The following REELD1 variants were observed in gnomAD, a reference collection of about 807,000 sequenced individuals.
The protein encoded by REELD1 is reelin domain-containing protein 1.
Under a neutral mutation model 6.3 loss-of-function variants are expected in REELD1, and 12 were observed. The ratio of observed to expected loss-of-function variants is 1.89; its 90% CI spans 1.21 to 3.07. The LOEUF (loss-of-function observed/expected upper bound fraction) is 3.07, where lower values mean the gene tolerates loss of function less well. Ranked by LOEUF, REELD1 falls within the 30% of genes most tolerant of loss-of-function variation. The pLI is 0.00. For missense variants in REELD1, 163 were observed against 86.8 expected (o/e 1.88, Z -3.49); for synonymous variants, 57 against 33.6 (o/e 1.70, Z -2.42).
At chr4:146,229,859 G>A (rs956071376) in intron 7 of REELD1, 46 bp from the exon 8 acceptor site, 1 of 398,394 alleles carries the variant, frequency 2.5e-6, no homozygotes, top group African/African-American at 2.1e-5. Context: ...GGCAGCTTAG[G>A]AGGAAGACCA....
intron 3 of REELD1, among the ~76,000 whole-genome samples, chr4:146,221,272 C>G (rs776825180): frequency 5.3e-5 from 8 of 152,166 alleles, no homozygotes; most frequent in Non-Finnish European, 1.0e-4. Context: ...CTCTAGGTAC[C>G]TCACATAAGT....
At chr4:146,229,518 T>C (rs1731087828) in intron 7 of REELD1, among the ~76,000 whole-genome samples, 1 of 152,186 alleles carries the variant, frequency 6.6e-6, no homozygotes, top group Non-Finnish European at 1.5e-5. Context: ...TACTTACATT[T>C]CTCAGAACCT....
rs1366750171 is a variant in REELD1, at chr4:146,230,253, A to T, written c.1321A>T (p.Thr441Ser). ...AQAPLGIQLR[T>S]PQLGILLCLS... ...GGCCCCTCTGGGTATCCAGCTCAGA[A>T]CTCCTCAGCTGGGAATTCTGCTTTG... is the stretch of plus-strand genomic sequence containing the variant. Residue 441 changes from threonine to serine, a missense_variant, in exon 8 of 8, where the codon ACT (threonine) becomes TCT (serine). Transcript: ENST00000623665. 7.5e-6 allele frequency: 3 copies of T among 398,614 alleles called. No homozygotes were observed. Among genetic ancestry groups the T allele is most frequent in the Non-Finnish European group, 1.3e-5 (3 of 226,200 alleles). The allele number at this position is 398,614 out of a possible 1,614,324, so 24.7% of individuals were successfully genotyped here. A position where few individuals can be genotyped will look rare whatever the true frequency, so the allele number is the denominator to read the frequency against.
intron 3 of REELD1, among the ~76,000 whole-genome samples, chr4:146,219,556 T>C (rs1301951673): frequency 6.6e-6 from 1 of 152,236 alleles, no homozygotes; most frequent in Non-Finnish European, 1.5e-5. Flanking sequence ...GACACCAAGC[T>C]GCATTTAGCA....
At chr4:146,225,346 G>A (rs975149264) in intron 5 of REELD1, among the ~76,000 whole-genome samples, 9 of 152,122 alleles carry the variant, frequency 5.9e-5, no homozygotes, top group Admixed American at 5.9e-4. Flanking sequence ...ATGCACACAA[G>A]ACCCTACCCT....
At chr4:146,225,606 A>G (rs1344904376) in intron 5 of REELD1, among the ~76,000 whole-genome samples, 1 of 151,820 alleles carries the variant, frequency 6.6e-6, no homozygotes, top group Non-Finnish European at 1.5e-5. Flanking sequence ...GCCTGAGACC[A>G]TGGCCTGGAG....
chr4:146,224,301 A>T, intron 4 of REELD1, 144 bp from the exon 5 acceptor site: 1 of 421,526 alleles, frequency 2.4e-6, no homozygotes, highest in South Asian at 8.9e-5. Context: ...GTAATAATAT[A>T]ATCTCTCTCT....
chr4:146,221,463 C>T (rs536489671), intron 3 of REELD1, among the ~76,000 whole-genome samples: 1 of 152,316 alleles, frequency 6.6e-6, no homozygotes, highest in South Asian at 2.1e-4. Flanking sequence ...AATGAATGCC[C>T]TAGTTTTTCC....
chr4:146,220,393 C>T (rs1425280510), intron 3 of REELD1, among the ~76,000 whole-genome samples: 1 of 152,058 alleles, frequency 6.6e-6, no homozygotes, highest in Non-Finnish European at 1.5e-5. Context: ...TATGTCTTTG[C>T]TCACTGTATG....
chr4:146,227,912 T>C (rs186221891), intron 5 of REELD1, among the ~76,000 whole-genome samples: 22 of 152,194 alleles, frequency 1.4e-4, no homozygotes, highest in Middle Eastern at 3.4e-3. Flanking sequence ...AGAGGTGAAA[T>C]AAATATGGTG....
Position 146,230,566 on chromosome 4 carries a change from TC to T in REELD1, c.*56del. On this transcript the variant is annotated 3_prime_UTR_variant, in exon 8 of 8. Coordinates refer to ENST00000623665, the MANE Select transcript of REELD1 (RefSeq NM_001354631.1). ...GGCCCTCCTTGGGCCCTGGAGAGTG[TC>T]CCAGACAGAGCAGAGATAATGAGAA... is the stretch of plus-strand genomic sequence containing the variant. 2.5e-6 allele frequency: 1 copy of T among 398,208 alleles called. No individual in the cohort carries two copies. Among genetic ancestry groups the T allele is most frequent in the South Asian group, 1.3e-4 (1 of 7,516 alleles). The allele number at this position is 398,208 out of a possible 1,614,324, so 24.7% of individuals were successfully genotyped here.
At chr4:146,216,129 T>G (rs1318896123) in intron 2 of REELD1, among the ~76,000 whole-genome samples, 4 of 152,270 alleles carry the variant, frequency 2.6e-5, no homozygotes, top group Non-Finnish European at 4.4e-5. Flanking sequence ...TTGTTTGCTA[T>G]CTCTCATTTT....
intron 2 of REELD1, among the ~76,000 whole-genome samples, chr4:146,215,549 T>C (rs1730808989): frequency 6.6e-6 from 1 of 152,082 alleles, no homozygotes; most frequent in African/African-American, 2.4e-5. Flanking sequence ...GATTATTTGG[T>C]TTATGGATTA....
In REELD1 at chr4:146,230,997, T is replaced by G. The variant is rs931294206; in HGVS notation, c.*484T>G. 4 of 152,434 alleles carry G rather than the reference T, an allele frequency of 2.6e-5. No individual in the cohort carries two copies. Among genetic ancestry groups the G allele is most frequent in the African/African-American group, 9.6e-5 (4 of 41,594 alleles). 9.4% of individuals were successfully genotyped at this position (152,434 alleles called of 1,614,324 possible). ...CTAAACCACCCCCAAAGAAGTTTTC[T>G]TTTCAAAACTGAATTCAACAACTTG... is the stretch of plus-strand genomic sequence containing the variant. On this transcript the variant is annotated 3_prime_UTR_variant, in exon 8 of 8. Transcript: ENST00000623665.
At chr4:146,221,743 C>T (rs1022107392) in intron 3 of REELD1, among the ~76,000 whole-genome samples, 2 of 152,064 alleles carry the variant, frequency 1.3e-5, no homozygotes, top group African/African-American at 4.8e-5. Flanking sequence ...CCTGTACTCC[C>T]AGCTACTCGA....
At chr4:146,218,253 G>A (rs1205234488) in intron 3 of REELD1, among the ~76,000 whole-genome samples, 1 of 152,172 alleles carries the variant, frequency 6.6e-6, no homozygotes, top group African/African-American at 2.4e-5. Context: ...CCCCACCAGG[G>A]GTGTTTCTAC....
intron 1 of REELD1, among the ~76,000 whole-genome samples, 172 bp downstream of exon 1, chr4:146,214,866 T>A (rs1455474595): frequency 2.6e-5 from 4 of 151,718 alleles, no homozygotes; most frequent in Non-Finnish European, 5.9e-5. Context: ...TTTTCAGGGT[T>A]CAGGTAGACA....
At chr4:146,218,790 T>G (rs951279872) in intron 3 of REELD1, among the ~76,000 whole-genome samples, 1 of 152,150 alleles carries the variant, frequency 6.6e-6, no homozygotes, top group Non-Finnish European at 1.5e-5. Context: ...CCTCCCAGCA[T>G]GAAGGGATTG....
intron 5 of REELD1, among the ~76,000 whole-genome samples, chr4:146,226,076 TAATAAAGTGA>T (rs1731016437): frequency 6.6e-6 from 1 of 152,196 alleles, no homozygotes; most frequent in Non-Finnish European, 1.5e-5. Flanking sequence ...TTATTTCATC[TAATAAAGTGA>T]AATAGGTTTC....
Sources: gnomAD v4.1 joint callset for allele counts (sites outside exome capture counted in the v4.1 genomes callset) on GRCh38, gnomAD v4.1.1 for gene constraint, MANE v1.5 for transcripts, NCBI Gene and HGNC (gene_info 2026-07-23, HGNC 2026-07-21) for gene names.